Variants in ROS1 observed in about 807,000 individuals in gnomAD.
The protein encoded by ROS1 is ROS proto-oncogene 1, receptor tyrosine kinase.
A neutral mutation model predicts 273.5 loss-of-function variants in ROS1; 263 were observed. That is an observed-to-expected ratio of 0.96 (90% CI 0.87 to 1.06). ROS1 has a LOEUF of 1.06. ROS1 is among the 50% of genes least tolerant of loss of function. The pLI, the probability that ROS1 is intolerant of heterozygous loss-of-function variation, is 0.00. For missense variants in ROS1, 2,833 were observed against 2,751.1 expected (o/e 1.03, Z -0.67); for synonymous variants, 1,008 against 954.1 (o/e 1.06, Z -1.04).
intron 4 of ROS1, among the ~76,000 whole-genome samples, chr6:117,410,670 T>C (rs1774830225): frequency 6.6e-6 from 1 of 152,180 alleles, no homozygotes; most frequent in African/African-American, 2.4e-5. Flanking sequence ...AACTTGTAAC[T>C]ATAATACCTA....
intron 1 of ROS1, among the ~76,000 whole-genome samples, chr6:117,420,702 C>T (rs34959842): frequency 0.054 from 8,185 of 151,748 alleles, 266 homozygotes; most frequent in Middle Eastern, 0.087. Context: ...TTACCTGTGC[C>T]ATCTAAACTT....
chr6:117,396,006 T>G (rs1773455492), intron 9 of ROS1, among the ~76,000 whole-genome samples, 182 bp downstream of exon 9: 1 of 152,170 alleles, frequency 6.6e-6, no homozygotes, highest in African/African-American at 2.4e-5. Context: ...CCACTTACTT[T>G]AATTCATCAA....
At chr6:117,344,332 CAAG>C (rs1041679203) in intron 27 of ROS1, 70 bp from the exon 28 acceptor site, 1 of 1,057,340 alleles carries the variant, frequency 9.5e-7, no homozygotes, top group South Asian at 1.7e-5. Flanking sequence ...AGATTTTTAA[CAAG>C]AATAATATCA....
chr6:117,328,738 C>T (rs1299885983), intron 33 of ROS1: 3 of 613,712 alleles, frequency 4.9e-6, no homozygotes, highest in Non-Finnish European at 9.7e-6. Flanking sequence ...AGTTATGGTT[C>T]ACGTGCTCCC....
chr6:117,370,754 TA>T (rs1780699056), intron 18 of ROS1, among the ~76,000 whole-genome samples: 1 of 145,598 alleles, frequency 6.9e-6, no homozygotes, highest in Non-Finnish European at 1.5e-5. Context: ...TAATGCAACC[TA>T]AAAAAATAAA....
intron 2 of ROS1, among the ~76,000 whole-genome samples, chr6:117,416,615 C>T (rs980961855): frequency 2.0e-5 from 3 of 152,124 alleles, no homozygotes; most frequent in South Asian, 2.1e-4. Context: ...GCGAAGACAC[C>T]GTACACTGGG....
At position 117,308,133 on chromosome 6, in the gene ROS1, A is replaced by C. The variant is rs144048847; in HGVS notation, c.6551+661T>G. 4.3e-4 allele frequency among the ~76,000 whole-genome samples: 66 copies of C among 152,262 alleles called. 1 individual carries two copies. The East Asian group carries it at 0.012, about 28-fold the overall frequency. On this transcript the variant is annotated intron_variant, in intron 42 of 43. Transcript: ENST00000368507. ...TTGTCAAGACTTAATATTTCTGCTG[A>C]TACTTTCCACAAGGAGGCAGATTAA...
In ROS1 at chr6:117,352,981, CT is replaced by C. The variant is rs745918438; in HGVS notation, c.4303+8del. The C allele has an allele frequency of 6.2e-7, 1 of 1,609,748 alleles. No individual in the cohort carries two copies. The highest frequency in any genetic ancestry group is 8.5e-7 in the Non-Finnish European group (1 of 1,178,526). On this transcript the variant is annotated splice_region_variant and intron_variant, in intron 27 of 43. Coordinates refer to ENST00000368507, the MANE Select transcript of ROS1 (RefSeq NM_001378902.1). ...GAGAACAAGCTGATTACGAATGTGA[CT>C]TTATTACCTGGAAAAGGCTGCATAA...
rs749448229 is a variant in ROS1, at chr6:117,310,267, C to T, written c.6230G>A (p.Arg2077Lys). ...MHFIHRDLAA[R>K]NCLVSVKDYT... ...GTCTTTCACGGAAACAAGGCAATTT[C>T]TAGCTGCCAGATCCCTGTGGCAGAA... The change falls in exon 41 of 44, where the codon AGA becomes AAA. Residue 2077 changes from arginine (R) to lysine (K), a missense_variant. By Grantham distance (26) the Arg-to-Lys change is conservative (BLOSUM62 2). Coordinates refer to ENST00000368507, the MANE Select transcript of ROS1 (RefSeq NM_001378902.1). 3.2e-5 allele frequency: 51 copies of T among 1,608,388 alleles called. No individual in the cohort carries two copies. The highest frequency in any genetic ancestry group is 4.2e-5 in the Non-Finnish European group (50 of 1,177,036).
At chr6:117,382,614 T>C (rs1325344387) in intron 17 of ROS1, among the ~76,000 whole-genome samples, 3 of 152,092 alleles carry the variant, frequency 2.0e-5, no homozygotes, top group Admixed American at 1.3e-4. Context: ...GGATACCTAG[T>C]GGGTAGCTAA....
chr6:117,412,054 G>A (rs540045092), intron 4 of ROS1, among the ~76,000 whole-genome samples: 38 of 152,248 alleles, frequency 2.5e-4, no homozygotes, highest in East Asian at 1.5e-3. Flanking sequence ...GCAACAGCAC[G>A]ATGAAAACTT....
At position 117,403,176 on chromosome 6, in the gene ROS1, G is replaced by A. The variant is rs781155969; in HGVS notation, c.567C>T (p.Ser189=). Residue 189 remains serine (S), a synonymous_variant, in exon 7 of 44, where the codon TCC becomes TCT. Coordinates refer to ENST00000368507, the MANE Select transcript of ROS1 (RefSeq NM_001378902.1). ...WIFTAQLQLY[S]PPSPSYRTHP... is the part of the protein sequence containing the mutation. ...GAGTCCTGTAACTGGGACTTGGAGG[G>A]GAGTAGAGCTGCAGCTGCGCTGTGA... The A allele has an allele frequency of 1.9e-6, 3 of 1,613,450 alleles. No homozygotes were observed. Among genetic ancestry groups the A allele is most frequent in the African/African-American group, 1.3e-5 (1 of 74,874 alleles).
At chr6:117,307,656 C>T (rs991164954) in intron 42 of ROS1, among the ~76,000 whole-genome samples, 12 of 152,118 alleles carry the variant, frequency 7.9e-5, no homozygotes, top group African/African-American at 2.6e-4. Flanking sequence ...CTGTAAACAT[C>T]GCAGAGACTA....
chr6:117,309,036 G>A (rs1256244084), intron 41 of ROS1, 108 bp from the exon 42 acceptor site: 7 of 1,057,612 alleles, frequency 6.6e-6, no homozygotes, highest in Non-Finnish European at 9.5e-6. Flanking sequence ...TACTTTGTCA[G>A]TGTATTATTG....
At chr6:117,304,440 G>T (rs1314289876) in intron 42 of ROS1, among the ~76,000 whole-genome samples, 1 of 152,186 alleles carries the variant, frequency 6.6e-6, no homozygotes, top group East Asian at 1.9e-4. Context: ...CTCAAGGTTG[G>T]TCATATTTCA....
intron 34 of ROS1, among the ~76,000 whole-genome samples, chr6:117,325,746 T>A (rs941494501): frequency 6.6e-6 from 1 of 152,022 alleles, no homozygotes; most frequent in African/African-American, 2.4e-5. Flanking sequence ...AAATCACATA[T>A]GGCACTGAGA....
Position 117,357,793 on chromosome 6 carries a change from C to T in ROS1, c.3839+11G>A. The T allele has an allele frequency of 6.6e-7, 1 of 1,526,416 alleles. No individual in the cohort carries two copies. The highest frequency in any genetic ancestry group is 1.1e-5 in the South Asian group (1 of 87,872). 94.6% of individuals were successfully genotyped at this position (1,526,416 alleles called of 1,614,324 possible). The stretch of plus-strand genomic sequence containing the variant: ...TCATCACAATATAAAAAAATACTTG[C>T]ATTTACATACCTTAAAAGAGGATAT... On this transcript the variant is annotated intron_variant, in intron 25 of 43. Transcript: ENST00000368507.
rs755742948 is a variant in ROS1 at position 117,288,461 on chromosome 6, A to C, written c.*31T>G. 8.4e-5 allele frequency: 121 copies of C among 1,436,390 alleles called. No individual in the cohort carries two copies. The highest frequency in any genetic ancestry group is 1.1e-4 in the Admixed American group (6 of 53,238). 89.0% of individuals were successfully genotyped at this position (1,436,390 alleles called of 1,614,324 possible). A position where few individuals can be genotyped will look rare whatever the true frequency, so the allele number is the denominator to read the frequency against. On this transcript the variant is annotated 3_prime_UTR_variant, in exon 44 of 44. Coordinates refer to ENST00000368507, the MANE Select transcript of ROS1 (RefSeq NM_001378902.1). ...CAGTAACTACTGAATGAGAGTGTTT[A>C]TCTCAACTCTCTATTTCCCAAACAA...
At position 117,317,300 on chromosome 6, in the gene ROS1, T is replaced by C. The variant is rs1007357604; in HGVS notation, c.5988-28A>G. ...GAAAGGTGGAAAGACACAGGCTGGA[T>C]GATATGACAGAAGCAGGAGTCCTAG... On this transcript the variant is annotated intron_variant, in intron 38 of 43. Coordinates refer to ENST00000368507, the MANE Select transcript of ROS1 (RefSeq NM_001378902.1). 4.4e-6 allele frequency: 7 copies of C among 1,601,070 alleles called. No homozygotes were observed. The Admixed American group carries it at 8.7e-5, about 20-fold the overall frequency.
Sources: allele counts gnomAD v4.1 joint callset (sites outside exome capture counted in the v4.1 genomes callset), GRCh38; gene constraint gnomAD v4.1.1; transcripts MANE v1.5; gene names NCBI Gene and HGNC (gene_info 2026-07-23, HGNC 2026-07-21).